The following BBOF1 variants were observed in gnomAD, a reference collection of about 807,000 sequenced individuals.
BBOF1 encodes the protein basal body orientation factor 1.
BBOF1 carries 62 observed loss-of-function variants against 68.0 expected under a neutral mutation model. The observed-to-expected ratio is 0.91, with a 90% confidence interval of 0.74 to 1.13. The LOEUF is 1.13. BBOF1 is among the 50% of genes most tolerant of loss of function. The pLI, the probability that BBOF1 is intolerant of heterozygous loss-of-function variation, is 0.00. For synonymous variants in BBOF1, 208 were observed against 198.8 expected (o/e 1.05, Z -0.39); for missense variants, 534 against 600.1 (o/e 0.89, Z 1.15).
Position 74,050,189 on chromosome 14 carries a change from A to G in BBOF1, c.1280A>G (p.Glu427Gly). 6.5e-7 allele frequency: 1 copy of G among 1,535,888 alleles called. No individual in the cohort carries two copies. Among genetic ancestry groups the G allele is most frequent in the East Asian group, 2.3e-5 (1 of 44,140 alleles). The change falls in exon 8 of 12, where the codon GAA (glutamate) becomes GGA (glycine). Residue 427 changes from glutamate (E) to glycine (G), a missense_variant. Physicochemically the swap from Glu to Gly is moderately conservative, Grantham distance 98. Transcript: ENST00000394009. ...NSVNQDLLEA[E>G]KWTHIEGNVD... Reference sequence around the variant, plus strand: ...GTGAATCAGGATCTTCTGGAGGCCGAAAAATGGTACTAGCAATACTTTATT... The same window carrying G: ...GTGAATCAGGATCTTCTGGAGGCCGGAAAATGGTACTAGCAATACTTTATT...
intron 9 of BBOF1, 105 bp downstream of exon 9, chr14:74,055,790 AG>A (rs2060185718): frequency 2.5e-6 from 2 of 784,992 alleles, no homozygotes; most frequent in Middle Eastern, 3.5e-4. Flanking sequence ...GGGACGGGAA[AG>A]GACCAGAAAA....
chr14:74,042,288 T>A (rs1311884454), intron 5 of BBOF1, among the ~76,000 whole-genome samples: 1 of 152,202 alleles, frequency 6.6e-6, no homozygotes, highest in Non-Finnish European at 1.5e-5. Context: ...GCTTTCCCTC[T>A]GAGACCCTCC....
downstream of BBOF1, among the ~76,000 whole-genome samples, chr14:74,069,696 C>T (rs943292689): frequency 6.6e-5 from 10 of 151,788 alleles, no homozygotes; most frequent in Admixed American, 1.3e-4. Flanking sequence ...GAGGTTGCAG[C>T]GAGCCGAGAT....
chr14:74,025,269 G>C (rs1000281458), intron 2 of BBOF1, among the ~76,000 whole-genome samples: 4 of 151,994 alleles, frequency 2.6e-5, no homozygotes, highest in African/African-American at 7.3e-5. Context: ...ATTCTCATCT[G>C]CCTCCTTATA....
At chr14:74,082,488 C>T (rs2060680327) in intron 12 of BBOF1, among the ~76,000 whole-genome samples, 2 of 141,544 alleles carry the variant, frequency 1.4e-5, no homozygotes. Flanking sequence ...CAACCTCCGT[C>T]TTCCGGGTTC....
intron 4 of BBOF1, among the ~76,000 whole-genome samples, chr14:74,034,778 TGTAAAATGGGATA>T (rs1426467935): frequency 6.6e-6 from 1 of 152,172 alleles, no homozygotes; most frequent in African/African-American, 2.4e-5. Context: ...TTTCCTTATC[TGTAAAATGGGATA>T]GTAAGAGTTA....
At chr14:74,056,309 C>T (rs1270419098) in intron 9 of BBOF1, among the ~76,000 whole-genome samples, 2 of 150,070 alleles carry the variant, frequency 1.3e-5, no homozygotes, top group African/African-American at 2.5e-5. Flanking sequence ...AAGTGATTCT[C>T]GTGCTTCAGC....
chr14:74,040,837 C>G (rs2059812010), intron 5 of BBOF1, 192 bp downstream of exon 5: 1 of 537,866 alleles, frequency 1.9e-6, no homozygotes, highest in East Asian at 3.2e-5. Flanking sequence ...CTTGTTTTCT[C>G]TCTCATTCAG....
chr14:74,055,273 C>G, intron 8 of BBOF1: 6 of 246,332 alleles, frequency 2.4e-5, no homozygotes, highest in Non-Finnish European at 3.2e-5. Context: ...CTCAGCCTCC[C>G]GAGTAGCTGG....
chr14:74,066,734 C>G (rs1262188879), downstream of BBOF1: 1 of 1,613,978 alleles, frequency 6.2e-7, no homozygotes, highest in Non-Finnish European at 8.5e-7. Context: ...GTTGGTCCAA[C>G]AAAGTTGCCA....
intron 8 of BBOF1, among the ~76,000 whole-genome samples, chr14:74,053,946 C>T (rs2060125569): frequency 6.6e-6 from 1 of 152,040 alleles, no homozygotes; most frequent in East Asian, 1.9e-4. Context: ...ACAATCTCGG[C>T]TCACTGCAAG....
At position 74,022,947 on chromosome 14, in the gene BBOF1, G is replaced by A. The variant is rs2059336289; in HGVS notation, c.88G>A (p.Asp30Asn). 5 of 1,612,958 alleles carry A rather than the reference G, an allele frequency of 3.1e-6. No individual in the cohort carries two copies. The highest frequency in any genetic ancestry group is 4.2e-6 in the Non-Finnish European group (5 of 1,179,362). The change falls in exon 2 of 12, where the codon GAC becomes AAC. Residue 30 changes from aspartate (D) to asparagine (N), a missense_variant. Asp to Asn is a conservative substitution (Grantham distance 23). Coordinates refer to ENST00000394009, the MANE Select transcript of BBOF1 (RefSeq NM_025057.3). ...AATAAAAACAGATGAATCTGTGGTG[G>A]ACAGAGCCAAGGCCAATGCCTCCCT... ...KLIKTDESVVDRAKANASLWE... is the reference protein window; with the variant it reads ...KLIKTDESVVNRAKANASLWE...
At chr14:74,062,471 C>T (rs1221371162) in intron 11 of BBOF1, among the ~76,000 whole-genome samples, 1 of 151,828 alleles carries the variant, frequency 6.6e-6, no homozygotes, top group Admixed American at 6.6e-5. Context: ...TGTGGTGGCA[C>T]GTGCCTGTAA....
intron 11 of BBOF1, chr14:74,060,653 T>C (rs748432659): frequency 3.1e-6 from 5 of 1,610,544 alleles, no homozygotes; most frequent in Non-Finnish European, 4.2e-6. Context: ...TAACGGCCCA[T>C]GGTAGGCATG....
At chr14:74,062,167 A>G (rs143143344) in intron 11 of BBOF1, among the ~76,000 whole-genome samples, 2,384 of 151,502 alleles carry the variant, frequency 0.016, 23 homozygotes, top group Non-Finnish European at 0.024. Context: ...ATTGCACTCC[A>G]GCCTGGGCAA....
At chr14:74,060,529 G>C in intron 11 of BBOF1, 1 of 840,706 alleles carries the variant, frequency 1.2e-6, no homozygotes, top group Non-Finnish European at 2.1e-6. Flanking sequence ...GAAGATTTTA[G>C]TTACAATGTA....
At chr14:74,020,345 G>T (rs964235872) in intron 1 of BBOF1, among the ~76,000 whole-genome samples, 3 of 151,846 alleles carry the variant, frequency 2.0e-5, no homozygotes, top group Middle Eastern at 3.4e-3. Flanking sequence ...TTCAGATTTT[G>T]ACCATGCTTC....
Position 74,046,130 on chromosome 14 carries a change from T to C in BBOF1, c.647T>C (p.Val216Ala), listed in dbSNP as rs774132070. Reference protein sequence around the residue: ...LAERAHHEAIVQLNDAGRNVF... With the variant: ...LAERAHHEAIAQLNDAGRNVF... The stretch of plus-strand genomic sequence containing the variant: ...GAGAGAGCCCACCATGAGGCTATTG[T>C]GTAAGAGACTGCTGCCTACTTTCTG... Residue 216 changes from valine (V) to alanine (A), a missense_variant and splice_region_variant, in exon 6 of 12, where the codon GTG (valine) becomes GCG (alanine). By Grantham distance (64) the Val-to-Ala change is moderately conservative. Transcript: ENST00000394009. 2.4e-5 allele frequency: 38 copies of C among 1,602,082 alleles called. No homozygotes were observed. The highest frequency in any genetic ancestry group is 4.3e-6 in the Non-Finnish European group (5 of 1,174,300).
chr14:74,064,449 G>A (rs1181171731), intron 11 of BBOF1, among the ~76,000 whole-genome samples: 2 of 152,084 alleles, frequency 1.3e-5, no homozygotes, highest in African/African-American at 4.8e-5. Context: ...CTGAGGGAGG[G>A]GTGGTGGTAG....
Sources: gnomAD v4.1 joint callset for allele counts (sites outside exome capture counted in the v4.1 genomes callset) on GRCh38, gnomAD v4.1.1 for gene constraint, MANE v1.5 for transcripts, NCBI Gene and HGNC (gene_info 2026-07-23, HGNC 2026-07-21) for gene names.